The following TTLL5 variants were observed in gnomAD, a reference collection of about 807,000 sequenced individuals.
The protein encoded by TTLL5 is tubulin tyrosine ligase like 5.
Under a neutral mutation model 168.4 loss-of-function variants are expected in TTLL5, and 132 were observed. The observed-to-expected ratio is 0.78, with a 90% CI of 0.68 to 0.91. The LOEUF (loss-of-function observed/expected upper bound fraction) is 0.91, where lower values mean the gene tolerates loss of function less well. Among genes scored for constraint, TTLL5 ranks in the 40% least tolerant of loss-of-function variants. The pLI, the probability that TTLL5 is intolerant of heterozygous loss-of-function variation, is 0.00. For missense variants in TTLL5, 1,545 were observed against 1,581.5 expected, an observed-to-expected ratio of 0.98 and a Z score of 0.39; for synonymous variants, 546 against 558.6, an observed-to-expected ratio of 0.98 and a Z score of 0.32.
chr14:75,707,269 C>T lies in TTLL5; in HGVS notation c.655+182C>T, dbSNP rs548718207. 5.3e-5 allele frequency among the ~76,000 whole-genome samples: 8 copies of T among 151,972 alleles called. 1 individual carries two copies. The South Asian group carries it at 1.7e-3, about 32-fold the overall frequency. ...GGATTTATCTGAAGGTGAAATGAGA[C>T]AATATAAGAGAAAGTGCTTTATAGG... On this transcript the variant is annotated intron_variant, in intron 8 of 31. Coordinates refer to ENST00000298832, the MANE Select transcript of TTLL5 (RefSeq NM_015072.5).
chr14:75,942,290 G>A (rs1291238356), intron 31 of TTLL5, among the ~76,000 whole-genome samples: 1 of 152,142 alleles, frequency 6.6e-6, no homozygotes, highest in Non-Finnish European at 1.5e-5. Context: ...GCCTTTTGTT[G>A]TTTGTAGAAG....
intron 27 of TTLL5, among the ~76,000 whole-genome samples, chr14:75,794,502 C>T (rs1892894360): frequency 6.6e-6 from 1 of 151,664 alleles, no homozygotes; most frequent in Admixed American, 6.6e-5. Flanking sequence ...ACCTATCTAG[C>T]TCCTATCGTT....
chr14:75,687,281 G>GT (rs1468804681), intron 5 of TTLL5, among the ~76,000 whole-genome samples: 4 of 151,908 alleles, frequency 2.6e-5, no homozygotes, highest in Non-Finnish European at 4.4e-5. Context: ...GACCTTTTTG[G>GT]TTTTTTTGTG....
intron 5 of TTLL5, among the ~76,000 whole-genome samples, chr14:75,686,376 G>C (rs1885052491): frequency 6.6e-6 from 1 of 152,104 alleles, no homozygotes; most frequent in African/African-American, 2.4e-5. Flanking sequence ...GTTCTCAACG[G>C]GGTTCCTAAC....
At chr14:75,870,980 G>A (rs1043173075) in intron 29 of TTLL5, among the ~76,000 whole-genome samples, 3 of 151,986 alleles carry the variant, frequency 2.0e-5, no homozygotes, top group Non-Finnish European at 2.9e-5. Context: ...ATTTTTAGTA[G>A]AGACAGGGTT....
At chr14:75,743,126 A>C (rs1889373762) in intron 15 of TTLL5, among the ~76,000 whole-genome samples, 1 of 152,222 alleles carries the variant, frequency 6.6e-6, no homozygotes, top group Admixed American at 6.5e-5. Flanking sequence ...TGTTGAAGAT[A>C]CCACAGTAAA....
At chr14:75,826,923 A>AAAGATCTCTTCCT (rs2307515) in intron 28 of TTLL5, among the ~76,000 whole-genome samples, 1 of 151,988 alleles carries the variant, frequency 6.6e-6, no homozygotes, top group East Asian at 1.9e-4. Context: ...TCCTTTAACT[A>AAAGATCTCTTCCT]ACCCACCTGC....
At chr14:75,827,264 C>CA (rs1895227203) in intron 28 of TTLL5, among the ~76,000 whole-genome samples, 1 of 152,032 alleles carries the variant, frequency 6.6e-6, no homozygotes, top group Non-Finnish European at 1.5e-5. Context: ...GGCCGTAACT[C>CA]ACGTACAATA....
At chr14:75,929,872 T>C (rs976217072) in intron 31 of TTLL5, among the ~76,000 whole-genome samples, 11 of 152,206 alleles carry the variant, frequency 7.2e-5, no homozygotes, top group Non-Finnish European at 1.6e-4. Context: ...AAATTGCTGG[T>C]AATCTATATA....
chr14:75,679,454 G>A (rs1032981863), intron 3 of TTLL5, among the ~76,000 whole-genome samples: 4 of 152,150 alleles, frequency 2.6e-5, no homozygotes, highest in African/African-American at 4.8e-5. Context: ...ACCTGTGTTC[G>A]ACTTCTGATG....
chr14:75,827,148 T>C (rs1190023509), intron 28 of TTLL5, among the ~76,000 whole-genome samples: 1 of 152,246 alleles, frequency 6.6e-6, no homozygotes, highest in African/African-American at 2.4e-5. Flanking sequence ...AGTTTTGGTA[T>C]AGGCTCTTAG....
chr14:75,724,003 G>A (rs761091458), intron 12 of TTLL5, among the ~76,000 whole-genome samples: 45 of 151,034 alleles, frequency 3.0e-4, no homozygotes, highest in Admixed American at 6.7e-4. Flanking sequence ...AAGTCACAAG[G>A]AATAAGCTAG....
intron 31 of TTLL5, among the ~76,000 whole-genome samples, chr14:75,928,340 A>AAAATATATATATATATATAT (rs1227482803): frequency 5.4e-5 from 1 of 18,390 alleles, no homozygotes; most frequent in Non-Finnish European, 1.0e-4. Flanking sequence ...GAATGACAAA[A>AAAATATATATATATATATAT]ACATATATAT....
intron 28 of TTLL5, among the ~76,000 whole-genome samples, chr14:75,828,835 A>G (rs569614397): frequency 7.9e-5 from 12 of 152,254 alleles, no homozygotes; most frequent in Non-Finnish European, 1.8e-4. Flanking sequence ...AAATATGTGC[A>G]AAAGCAAGGG....
chr14:75,717,857 T>A lies in TTLL5; in HGVS notation c.741-4T>A. On this transcript the variant is annotated splice_polypyrimidine_tract_variant and splice_region_variant and intron_variant, in intron 9 of 31. Coordinates refer to ENST00000298832, the MANE Select transcript of TTLL5 (RefSeq NM_015072.5). ...TGGCATTTAACCTGTTTCCCTTCTA[T>A]CAGGTTTGCAACTGTGCGATATGAT... 1 of 1,613,172 alleles carries A rather than the reference T, an allele frequency of 6.2e-7. No individual in the cohort carries two copies. Among genetic ancestry groups the A allele is most frequent in the Non-Finnish European group, 8.5e-7 (1 of 1,179,466 alleles).
At chr14:75,814,233 C>T (rs1269039142) in intron 27 of TTLL5, among the ~76,000 whole-genome samples, 1 of 152,154 alleles carries the variant, frequency 6.6e-6, no homozygotes, top group Non-Finnish European at 1.5e-5. Context: ...AATGGTGAGC[C>T]AGTGATTGAT....
intron 31 of TTLL5, among the ~76,000 whole-genome samples, chr14:75,907,225 G>A (rs2033181740): frequency 6.6e-6 from 1 of 152,106 alleles, no homozygotes; most frequent in African/African-American, 2.4e-5. Context: ...ATAATTAGCA[G>A]CAAAACAAAC....
chr14:75,712,808 G>A (rs1887177760), intron 9 of TTLL5, among the ~76,000 whole-genome samples: 2 of 151,882 alleles, frequency 1.3e-5, no homozygotes, highest in Non-Finnish European at 2.9e-5. Flanking sequence ...AGAAACATTA[G>A]AAAGCGAAAA....
chr14:75,887,094 A>C, intron 30 of TTLL5: 1 of 1,152,036 alleles, frequency 8.7e-7, no homozygotes, highest in Non-Finnish European at 1.1e-6. Flanking sequence ...AGTTGGTGGT[A>C]ACGACTGTTC....
Sources: allele counts gnomAD v4.1 joint callset (sites outside exome capture counted in the v4.1 genomes callset), GRCh38; gene constraint gnomAD v4.1.1; transcripts MANE v1.5; gene names NCBI Gene and HGNC (gene_info 2026-07-23, HGNC 2026-07-21).